The following SLC22A23 variants were observed in gnomAD, a reference collection of about 807,000 sequenced individuals.
The protein encoded by SLC22A23 is solute carrier family 22 member 23.
A neutral mutation model predicts 61.0 loss-of-function variants in SLC22A23; 26 were observed. The observed-to-expected ratio is 0.43, with a 90% CI of 0.31 to 0.59. The LOEUF (loss-of-function observed/expected upper bound fraction) is 0.59, where lower values mean the gene tolerates loss of function less well. SLC22A23 is among the 20% of genes least tolerant of loss of function. The probability of loss-of-function intolerance (pLI) is 0.11; values close to 1 mark genes in which losing one functional copy is unlikely to be tolerated. For missense variants in SLC22A23, 796 were observed against 934.7 expected (o/e 0.85, Z 1.94); for synonymous variants, 430 against 413.9 (o/e 1.04, Z -0.47).
intron 3 of SLC22A23, among the ~76,000 whole-genome samples, chr6:3,355,106 C>G (rs1162393135): frequency 6.6e-6 from 1 of 151,608 alleles, no homozygotes; most frequent in African/African-American, 2.4e-5. Flanking sequence ...TGGCAGTATT[C>G]AAATCCTTAT....
intron 3 of SLC22A23, among the ~76,000 whole-genome samples, chr6:3,366,292 C>G (rs925850776): frequency 7.4e-6 from 1 of 134,614 alleles, no homozygotes; most frequent in African/African-American, 2.9e-5. Context: ...GAGATCACAC[C>G]ACTGCACTCC....
In SLC22A23 at chr6:3,305,242, A is replaced by AT. The variant is rs150814349; in HGVS notation, c.1083-7025dup. ...GTACATTGCCCAGGATTACACAGCTATTTAATGGCAGAGCTGGGATCTGAA... is the reference window on the plus strand; with the variant it reads ...GTACATTGCCCAGGATTACACAGCTATTTTAATGGCAGAGCTGGGATCTGAA... On this transcript the variant is annotated intron_variant, in intron 4 of 9. Coordinates refer to ENST00000406686, the MANE Select transcript of SLC22A23 (RefSeq NM_015482.2). Among the ~76,000 whole-genome samples, 582 of 152,328 alleles carry AT rather than the reference A, an allele frequency of 3.8e-3. 1 individual carries two copies. The highest frequency in any genetic ancestry group is 0.013 in the African/African-American group (560 of 41,566).
At chr6:3,425,968 T>C (rs182398547) in intron 1 of SLC22A23, among the ~76,000 whole-genome samples, 1 of 152,362 alleles carries the variant, frequency 6.6e-6, no homozygotes, top group East Asian at 1.9e-4. Context: ...TCTGGACAAA[T>C]ATTCAATACA....
chr6:3,372,102 A>G lies in SLC22A23; in HGVS notation c.913+38086T>C, dbSNP rs1766256423. ...CCTAGCCCATGCTTAAACAGCTAGA[A>G]GCATCCGTGCTGAGGCCATGAACCT... On this transcript the variant is annotated intron_variant, in intron 3 of 9. Transcript: ENST00000406686. This position sits in a 1 kb window ranked among gnomAD's most constrained non-coding sequence, Gnocchi z 4.7. 6.6e-6 allele frequency among the ~76,000 whole-genome samples: 1 copy of G among 152,232 alleles called. No homozygotes were observed. Among genetic ancestry groups the G allele is most frequent in the South Asian group, 2.1e-4 (1 of 4,820 alleles).
chr6:3,278,424 T>C (rs991536816), intron 9 of SLC22A23, among the ~76,000 whole-genome samples: 1 of 152,222 alleles, frequency 6.6e-6, no homozygotes, highest in African/African-American at 2.4e-5. Context: ...CTCAAACTCC[T>C]CCCAGGCTGA....
chr6:3,421,205 A>G (rs943788664), intron 1 of SLC22A23, among the ~76,000 whole-genome samples: 1 of 152,234 alleles, frequency 6.6e-6, no homozygotes, highest in Non-Finnish European at 1.5e-5. Flanking sequence ...AGAGGTACAA[A>G]TCTGTACAAG....
At chr6:3,419,455 G>A (rs991577584) in intron 1 of SLC22A23, among the ~76,000 whole-genome samples, 2 of 152,160 alleles carry the variant, frequency 1.3e-5, no homozygotes, top group African/African-American at 4.8e-5. Context: ...CCAATCAGGT[G>A]CACACCCCAA....
rs1767318619 is a variant in SLC22A23 at position 3,386,514 on chromosome 6, C to A, written c.913+23674G>T. Among the ~76,000 whole-genome samples, 1 of 152,210 alleles carries A rather than the reference C, an allele frequency of 6.6e-6. No individual in the cohort carries two copies. The highest frequency in any genetic ancestry group is 1.5e-5 in the Non-Finnish European group (1 of 68,028). On this transcript the variant is annotated intron_variant, in intron 3 of 9. Transcript: ENST00000406686. The surrounding 1 kb of genome is among the most constrained non-coding windows in gnomAD (Gnocchi z 4.4). ...TGAATAAAGCAGCCAACAGGAGGCT[C>A]CGGGTTCTGAGGCAGCCTTGTTCTT... is the stretch of plus-strand genomic sequence containing the variant.
chr6:3,403,241 A>G (rs1474412907), intron 3 of SLC22A23, among the ~76,000 whole-genome samples: 1 of 151,948 alleles, frequency 6.6e-6, no homozygotes, highest in Non-Finnish European at 1.5e-5. Flanking sequence ...GCTTTTAAGA[A>G]CATAAAACAA....
At chr6:3,359,903 T>C (rs1765331139) in intron 3 of SLC22A23, among the ~76,000 whole-genome samples, 1 of 152,188 alleles carries the variant, frequency 6.6e-6, no homozygotes, top group Non-Finnish European at 1.5e-5. Context: ...TGCTATAGTA[T>C]AAAGGAAGCA....
intron 3 of SLC22A23, among the ~76,000 whole-genome samples, chr6:3,345,348 G>A (rs1287889702): frequency 6.8e-6 from 1 of 146,758 alleles, no homozygotes. Flanking sequence ...AGTACCAGTA[G>A]TTTATATCTC....
At chr6:3,455,097 T>G (rs2127561762) in intron 1 of SLC22A23, among the ~76,000 whole-genome samples, 1 of 152,328 alleles carries the variant, frequency 6.6e-6, no homozygotes, top group Middle Eastern at 3.4e-3. Flanking sequence ...GCCCACTCTG[T>G]GTTTAGGCCT....
At chr6:3,303,388 A>C (rs935591445) in intron 4 of SLC22A23, 1 of 152,260 alleles carries the variant, frequency 6.6e-6, no homozygotes, top group Non-Finnish European at 1.5e-5. Flanking sequence ...AGTCAAAGAG[A>C]CATCTGCATC....
intron 1 of SLC22A23, among the ~76,000 whole-genome samples, chr6:3,439,013 C>A (rs1771406218): frequency 6.6e-6 from 1 of 152,208 alleles, no homozygotes; most frequent in Non-Finnish European, 1.5e-5. Context: ...TCAGGAAATA[C>A]AATGAGTGTT....
chr6:3,399,202 C>T (rs940680151), intron 3 of SLC22A23, among the ~76,000 whole-genome samples: 7 of 152,124 alleles, frequency 4.6e-5, no homozygotes, highest in Admixed American at 2.6e-4. Flanking sequence ...GTTCACCATG[C>T]AGAGGAAACG....
intron 4 of SLC22A23, among the ~76,000 whole-genome samples, chr6:3,314,755 A>G (rs911680521): frequency 6.6e-6 from 1 of 151,990 alleles, no homozygotes; most frequent in African/African-American, 2.4e-5. Context: ...TCCTTGTAGC[A>G]TGTCTGTTTT....
At chr6:3,292,958 C>G (rs1391994729) in intron 5 of SLC22A23, among the ~76,000 whole-genome samples, 2 of 152,186 alleles carry the variant, frequency 1.3e-5, no homozygotes, top group East Asian at 3.9e-4. Context: ...ACCCTGCTGA[C>G]CCGCTGGGAG....
At chr6:3,295,985 G>C (rs1350885812) in intron 5 of SLC22A23, among the ~76,000 whole-genome samples, 1 of 152,190 alleles carries the variant, frequency 6.6e-6, no homozygotes, top group African/African-American at 2.4e-5. Context: ...TTTTAAAAAG[G>C]ATCTAATACC....
chr6:3,341,500 A>G (rs1764151739), intron 3 of SLC22A23, among the ~76,000 whole-genome samples: 1 of 152,186 alleles, frequency 6.6e-6, no homozygotes, highest in Non-Finnish European at 1.5e-5. Flanking sequence ...GGTCCAGAAC[A>G]TGAAAACCCA....
Sources: allele counts gnomAD v4.1 joint callset (sites outside exome capture counted in the v4.1 genomes callset), GRCh38; gene constraint gnomAD v4.1.1; non-coding constraint Gnocchi (gnomAD v3.1); transcripts MANE v1.5; gene names NCBI Gene and HGNC (gene_info 2026-07-23, HGNC 2026-07-21).